The following EEIG2 variants were observed in gnomAD, a reference collection of about 807,000 sequenced individuals.
EEIG2 encodes family with sequence similarity 102 member B.
the EEIG2 span, among the ~76,000 whole-genome samples, chr1:108,567,432 G>A: frequency 6.6e-6 from 1 of 152,190 alleles, no homozygotes; most frequent in East Asian, 1.9e-4. Flanking sequence ...ACAAAGAGAT[G>A]CTAAAAGTTA....
the EEIG2 span, chr1:108,628,247 CA>C: frequency 6.2e-7 from 1 of 1,614,018 alleles, no homozygotes. Flanking sequence ...TGCAAGTCAG[CA>C]GTCAAAAGTA....
the EEIG2 span, chr1:108,600,434 G>C: frequency 9.8e-7 from 1 of 1,025,152 alleles, no homozygotes; most frequent in Non-Finnish European, 1.4e-6. Context: ...CTTCCTTCCT[G>C]CTACACTGTT....
the EEIG2 span, among the ~76,000 whole-genome samples, chr1:108,632,415 A>G: frequency 6.6e-6 from 1 of 152,184 alleles, no homozygotes; most frequent in Non-Finnish European, 1.5e-5. Context: ...GTGGGGAGCC[A>G]TTGGCCATCT....
chr1:108,587,596 A>G, the EEIG2 span, among the ~76,000 whole-genome samples: 1 of 152,130 alleles, frequency 6.6e-6, no homozygotes, highest in East Asian at 1.9e-4. Context: ...AACCCCTGGC[A>G]ATCACTGATT....
the EEIG2 span, among the ~76,000 whole-genome samples, chr1:108,610,496 C>A: frequency 6.6e-6 from 1 of 152,194 alleles, no homozygotes; most frequent in East Asian, 1.9e-4. Flanking sequence ...GGAGGGTCAA[C>A]GAAAAGGATA....
the EEIG2 span, among the ~76,000 whole-genome samples, chr1:108,585,944 T>C: frequency 0.14 from 21,310 of 152,092 alleles, 2,272 homozygotes; most frequent in African/African-American, 0.3. Flanking sequence ...TTGAACTTAC[T>C]GTTTAATATT....
At chr1:108,620,583 G>C in the EEIG2 span, among the ~76,000 whole-genome samples, 1 of 152,196 alleles carries the variant, frequency 6.6e-6, no homozygotes. Context: ...TAAGTCTCTT[G>C]AATAGCAAGG....
the EEIG2 span, among the ~76,000 whole-genome samples, chr1:108,592,387 A>G: frequency 4.6e-5 from 7 of 152,344 alleles, no homozygotes; most frequent in Admixed American, 1.3e-4. Flanking sequence ...TTCTCCATTA[A>G]GGATTCTTTG....
At chr1:108,588,212 T>C in the EEIG2 span, among the ~76,000 whole-genome samples, 1 of 152,202 alleles carries the variant, frequency 6.6e-6, no homozygotes, top group African/African-American at 2.4e-5. Context: ...TTTAATTTCC[T>C]TTGGATATAT....
chr1:108,632,398 G>A, the EEIG2 span, among the ~76,000 whole-genome samples: 54 of 152,142 alleles, frequency 3.5e-4, no homozygotes, highest in Non-Finnish European at 7.5e-4. Flanking sequence ...TTCTTCTCAT[G>A]TGCACAGTGG....
At chr1:108,581,995 C>T in the EEIG2 span, among the ~76,000 whole-genome samples, 1 of 152,058 alleles carries the variant, frequency 6.6e-6, no homozygotes, top group African/African-American at 2.4e-5. Flanking sequence ...TAAGAAATTG[C>T]CACAGCCACC....
At chr1:108,566,702 A>G in the EEIG2 span, among the ~76,000 whole-genome samples, 9 of 152,206 alleles carry the variant, frequency 5.9e-5, no homozygotes, top group African/African-American at 1.9e-4. Context: ...CTTTTAAAAA[A>G]AAAAAAGGAA....
At chr1:108,571,298 G>A in the EEIG2 span, among the ~76,000 whole-genome samples, 1 of 152,268 alleles carries the variant, frequency 6.6e-6, no homozygotes, top group Admixed American at 6.5e-5. Context: ...TGGGGGTGGA[G>A]AATAAACATC....
the EEIG2 span, among the ~76,000 whole-genome samples, chr1:108,564,790 C>G: frequency 6.6e-6 from 1 of 151,608 alleles, no homozygotes; most frequent in Non-Finnish European, 1.5e-5. Context: ...AAAAAACATA[C>G]CAAAAAATTA....
the EEIG2 span, among the ~76,000 whole-genome samples, chr1:108,589,055 A>G: frequency 8.5e-5 from 13 of 152,284 alleles, no homozygotes; most frequent in African/African-American, 2.9e-4. Flanking sequence ...ACAGTTGTCT[A>G]CTGACAAAGT....
At chr1:108,608,829 G>C in the EEIG2 span, among the ~76,000 whole-genome samples, 4 of 152,202 alleles carry the variant, frequency 2.6e-5, no homozygotes, top group Non-Finnish European at 5.9e-5. Context: ...CTGGAGGCTG[G>C]GAAGTCCAAG....
chr1:108,625,708 T>C, the EEIG2 span: 1 of 152,584 alleles, frequency 6.6e-6, no homozygotes, highest in East Asian at 1.9e-4. Flanking sequence ...GGCTGGCGCA[T>C]GTGCTCACAT....
the EEIG2 span, among the ~76,000 whole-genome samples, chr1:108,604,285 G>A: frequency 6.6e-6 from 1 of 152,214 alleles, no homozygotes; most frequent in Non-Finnish European, 1.5e-5. Context: ...TTAATAAGGA[G>A]AGACATCATC....
the EEIG2 span, among the ~76,000 whole-genome samples, chr1:108,580,424 C>G: frequency 9.6e-3 from 1,460 of 152,258 alleles, 23 homozygotes; most frequent in African/African-American, 0.033. Context: ...ACTTCTCTCA[C>G]TTTAAGTCAA....
Sources: allele counts gnomAD v4.1 joint callset (sites outside exome capture counted in the v4.1 genomes callset), GRCh38; gene constraint gnomAD v4.1.1; transcripts MANE v1.5; gene names NCBI Gene and HGNC (gene_info 2026-07-23, HGNC 2026-07-21).